The following ADGRE3 variants were observed in gnomAD, a reference collection of about 807,000 sequenced individuals.
ADGRE3 encodes EGF-like module receptor 3.
In ADGRE3, 88 loss-of-function variants were observed where a neutral mutation model predicts 80.1. The observed-to-expected ratio is 1.10, with a 90% CI of 0.93 to 1.31. ADGRE3 has a LOEUF of 1.31. Among genes scored for constraint, ADGRE3 ranks in the 40% most tolerant of loss-of-function variants. The pLI, the probability that ADGRE3 is intolerant of heterozygous loss-of-function variation, is 0.00. For synonymous variants in ADGRE3, 281 were observed against 294.8 expected, an observed-to-expected ratio of 0.95 and a Z score of 0.48; for missense variants, 715 against 776.5, an observed-to-expected ratio of 0.92 and a Z score of 0.94.
chr19:14,651,898 TG>T (rs1426878151), intron 6 of ADGRE3, among the ~76,000 whole-genome samples: 7 of 151,846 alleles, frequency 4.6e-5, no homozygotes, highest in Admixed American at 4.6e-4. Flanking sequence ...AAAAATTATC[TG>T]GGCATGGTGG....
At chr19:14,623,514 C>G (rs935768457) in intron 15 of ADGRE3, among the ~76,000 whole-genome samples, 1 of 152,150 alleles carries the variant, frequency 6.6e-6, no homozygotes, top group African/African-American at 2.4e-5. Flanking sequence ...AATGGAAGAA[C>G]AGAATACCAG....
intron 15 of ADGRE3, among the ~76,000 whole-genome samples, chr19:14,620,336 G>A (rs1202727534): frequency 6.8e-6 from 1 of 148,074 alleles, no homozygotes; most frequent in Non-Finnish European, 1.5e-5. Context: ...ACTGGCATGA[G>A]CCACCATGCC....
At position 14,619,457 on chromosome 19, in the gene ADGRE3, TGGA is replaced by T; in HGVS notation, c.1932_1934del (p.Phe644_Pro645delinsLeu). The stretch of plus-strand genomic sequence containing the variant: ...TTTAATATTTTCTCTTCACTTGTCC[TGGA>T]AAAACATCCCCCTATAAAAGAGGTT... On this transcript the variant is annotated inframe_deletion, in exon 16 of 16. Transcript: ENST00000253673. The T allele has an allele frequency of 6.3e-7, 1 of 1,594,912 alleles. No homozygotes were observed. The highest frequency in any genetic ancestry group is 1.3e-5 in the African/African-American group (1 of 74,638).
intron 11 of ADGRE3, 57 bp downstream of exon 11, chr19:14,638,048 G>A: frequency 8.0e-7 from 1 of 1,246,400 alleles, no homozygotes; most frequent in Non-Finnish European, 1.2e-6. Flanking sequence ...CATGAATGCT[G>A]CCCTCAAAAG....
chr19:14,620,157 T>G lies in ADGRE3; in HGVS notation c.1921-686A>C, dbSNP rs114234254. On this transcript the variant is annotated intron_variant, in intron 15 of 15. Coordinates refer to ENST00000253673, the MANE Select transcript of ADGRE3 (RefSeq NM_032571.5). The stretch of plus-strand genomic sequence containing the variant: ...TAGAAAGTTAACCCAAGGTCAAACT[T>G]GTCCATAGAGAAAGAGTTTCATTAG... Among the ~76,000 whole-genome samples the G allele has an allele frequency of 7.8e-3, 1,184 of 152,138 alleles. 15 individuals carry two copies. Among genetic ancestry groups the G allele is most frequent in the African/African-American group, 0.028 (1,150 of 41,526 alleles).
chr19:14,608,327 T>C, the ADGRE3 span, among the ~76,000 whole-genome samples: 1 of 152,198 alleles, frequency 6.6e-6, no homozygotes, highest in Admixed American at 6.6e-5. Context: ...GAGACCCTGA[T>C]TGCAGGGTGT....
At chr19:14,643,178 G>A (rs576142246) in intron 9 of ADGRE3, among the ~76,000 whole-genome samples, 2 of 133,646 alleles carry the variant, frequency 1.5e-5, no homozygotes, top group African/African-American at 2.9e-5. Context: ...ACAGAGTCTC[G>A]CTCTGTCGCC....
chr19:14,636,049 CT>C (rs1463883471), intron 11 of ADGRE3, among the ~76,000 whole-genome samples: 1 of 58,792 alleles, frequency 1.7e-5, no homozygotes, highest in Non-Finnish European at 4.0e-5. Context: ...TCCTTCCTTC[CT>C]TCCTTCCTTC....
chr19:14,650,668 TCTCTCTCTCTCTCTCC>T (rs1414870928), intron 7 of ADGRE3, among the ~76,000 whole-genome samples: 6 of 95,374 alleles, frequency 6.3e-5, no homozygotes, highest in African/African-American at 1.9e-4. Context: ...TCTCTCTCTC[TCTCTCTCTCTCTCTCC>T]CCTCTTCCCA....
chr19:14,654,511 C>T (rs73506174), intron 6 of ADGRE3, among the ~76,000 whole-genome samples: 6,221 of 151,968 alleles, frequency 0.041, 417 homozygotes, highest in African/African-American at 0.14. Flanking sequence ...TTAACCCTCC[C>T]GCCTCAGCCT....
At position 14,674,707 on chromosome 19, in the gene ADGRE3, G is replaced by A. The variant is rs369401582; in HGVS notation, c.25+39C>T. The A allele has an allele frequency of 1.6e-5, 26 of 1,602,330 alleles. No homozygotes were observed. The African/African-American group carries it at 2.9e-4, about 18-fold the overall frequency. On this transcript the variant is annotated intron_variant, in intron 1 of 15. Coordinates refer to ENST00000253673, the MANE Select transcript of ADGRE3 (RefSeq NM_032571.5). ...TGAACCAAGTGGTCCCTGACTGGGG[G>A]ATAGGTTAAGCCTCAGTCATTGTTA... is the stretch of plus-strand genomic sequence containing the variant.
In ADGRE3 at chr19:14,630,028, T is replaced by A; in HGVS notation, c.1812+11A>T. On this transcript the variant is annotated intron_variant, in intron 14 of 15. Coordinates refer to ENST00000253673, the MANE Select transcript of ADGRE3 (RefSeq NM_032571.5). ...TAAGTTTAAATAACAAAGAAAGGGG[T>A]CAGTGTTTACCTGCTGGCTGAGGAG... is the stretch of plus-strand genomic sequence containing the variant. 2 of 1,566,314 alleles carry A rather than the reference T, an allele frequency of 1.3e-6. No homozygotes were observed. The highest frequency in any genetic ancestry group is 1.7e-6 in the Non-Finnish European group (2 of 1,155,374).
rs575584166 is a variant in ADGRE3 at position 14,647,511 on chromosome 19, G to T, written c.698-146C>A. On this transcript the variant is annotated intron_variant, in intron 7 of 15. Coordinates refer to ENST00000253673, the MANE Select transcript of ADGRE3 (RefSeq NM_032571.5). Reference sequence around the variant, plus strand: ...GGCTCACTGCAACCTCCGCCTCCCGGGTTCAAGTGATTCTCCTGCCTCAGC... The same window carrying T: ...GGCTCACTGCAACCTCCGCCTCCCGTGTTCAAGTGATTCTCCTGCCTCAGC... The T allele has an allele frequency of 2.0e-5, 12 of 597,756 alleles. No individual in the cohort carries two copies. In the African/African-American group the frequency reaches 2.1e-4, roughly 10 times the overall value. 37.0% of individuals were successfully genotyped at this position (597,756 alleles called of 1,614,324 possible).
intron 5 of ADGRE3, among the ~76,000 whole-genome samples, chr19:14,656,161 C>T (rs1971750733): frequency 1.3e-5 from 2 of 151,930 alleles, no homozygotes; most frequent in Non-Finnish European, 2.9e-5. Flanking sequence ...GTCTGACCAA[C>T]ATGGTGAAAC....
At chr19:14,648,087 CAAAAAA>C (rs60371636) in intron 7 of ADGRE3, among the ~76,000 whole-genome samples, 1 of 108,370 alleles carries the variant, frequency 9.2e-6, no homozygotes, top group African/African-American at 3.5e-5. Context: ...ATCTCAAAGA[CAAAAAA>C]AAAAAAAAAA....
intron 6 of ADGRE3, 81 bp downstream of exon 6, chr19:14,654,901 A>T (rs1023590602): frequency 4.1e-5 from 43 of 1,041,890 alleles, no homozygotes; most frequent in Non-Finnish European, 5.1e-5. Flanking sequence ...GGTGTATTCA[A>T]TTTTTTTTTT....
intron 1 of ADGRE3, among the ~76,000 whole-genome samples, chr19:14,669,493 T>A (rs73506195): frequency 0.027 from 4,078 of 152,042 alleles, 160 homozygotes; most frequent in African/African-American, 0.093. Flanking sequence ...GATTATTATT[T>A]TTTTTCTTTT....
intron 15 of ADGRE3, among the ~76,000 whole-genome samples, chr19:14,620,550 A>T (rs1290752669): frequency 1.3e-3 from 24 of 18,944 alleles, no homozygotes; most frequent in Non-Finnish European, 1.8e-3. Flanking sequence ...TATATATATT[A>T]TATATATATA....
chr19:14,620,548 T>TATATATATATATATATATA lies in ADGRE3; in HGVS notation c.1921-1078_1921-1077insTATATATATATATATATAT. ...TGAATATATATATTTTATATATATA[T>TATATATATATATATATATA]TATATATATATATATATATATTTTT... On this transcript the variant is annotated intron_variant, in intron 15 of 15. Transcript: ENST00000253673. Among the ~76,000 whole-genome samples, 36 of 24,940 alleles carry TATATATATATATATATATA rather than the reference T, an allele frequency of 1.4e-3. 1 individual carries two copies. The highest frequency in any genetic ancestry group is 1.7e-3 in the Non-Finnish European group (27 of 16,036). 16.4% of individuals were successfully genotyped at this position (24,940 alleles called of 152,430 possible). A position where few individuals can be genotyped will look rare whatever the true frequency, so the allele number is the denominator to read the frequency against.
Sources: gnomAD v4.1 joint callset for allele counts (sites outside exome capture counted in the v4.1 genomes callset) on GRCh38, gnomAD v4.1.1 for gene constraint, MANE v1.5 for transcripts, NCBI Gene and HGNC (gene_info 2026-07-23, HGNC 2026-07-21) for gene names.